Variants in FOXN3 observed in about 807,000 individuals in gnomAD.
FOXN3 encodes the protein forkhead box N3, also known as forkhead box protein N3.
A neutral mutation model predicts 38.4 loss-of-function variants in FOXN3; 7 were observed. The observed-to-expected ratio is 0.18, with a 90% CI of 0.10 to 0.34. FOXN3 has a LOEUF of 0.34. Among genes scored for constraint, FOXN3 ranks in the 10% least tolerant of loss-of-function variants. FOXN3 has a pLI of 1.00. For synonymous variants in FOXN3, 230 were observed against 242.2 expected, an observed-to-expected ratio of 0.95 and a Z score of 0.47; for missense variants, 456 against 613.4, an observed-to-expected ratio of 0.74 and a Z score of 2.71.
chr14:89,583,136 A>C (rs1358731395), intron 1 of FOXN3, among the ~76,000 whole-genome samples: 1 of 152,188 alleles, frequency 6.6e-6, no homozygotes, highest in African/African-American at 2.4e-5. Flanking sequence ...TCTTAGACTC[A>C]TTGACTGTAA....
chr14:89,253,929 T>C (rs949697577), intron 4 of FOXN3, among the ~76,000 whole-genome samples: 1 of 152,210 alleles, frequency 6.6e-6, no homozygotes, highest in Non-Finnish European at 1.5e-5. Context: ...TGGCTGTTGC[T>C]GGGATCTATG....
At chr14:89,268,115 T>C (rs1422421697) in intron 4 of FOXN3, among the ~76,000 whole-genome samples, 4 of 152,208 alleles carry the variant, frequency 2.6e-5, no homozygotes, top group African/African-American at 9.6e-5. Flanking sequence ...TATACATATA[T>C]GCTGCTTGGT....
chr14:89,191,948 G>GTATATATATATATATATATATATATATA (rs566312671), intron 4 of FOXN3, among the ~76,000 whole-genome samples: 31 of 117,898 alleles, frequency 2.6e-4, no homozygotes, highest in African/African-American at 1.4e-3. Flanking sequence ...ACTGATATTA[G>GTATATATATATATATATATATATATATA]TATATATATA....
At chr14:89,290,220 C>T (rs1886825915) in intron 3 of FOXN3, 1 of 285,696 alleles carries the variant, frequency 3.5e-6, no homozygotes, top group Non-Finnish European at 7.1e-6. Flanking sequence ...AACTTGGATC[C>T]ATCCCATGCT....
In FOXN3 at chr14:89,164,588, T is replaced by A. The variant is rs1348015768; in HGVS notation, c.852-1619A>T. 6.6e-6 allele frequency among the ~76,000 whole-genome samples: 1 copy of A among 152,140 alleles called. No individual in the cohort carries two copies. Among genetic ancestry groups the A allele is most frequent in the Non-Finnish European group, 1.5e-5 (1 of 68,024 alleles). On this transcript the variant is annotated intron_variant, in intron 5 of 5. Coordinates refer to ENST00000557258, the MANE Select transcript of FOXN3 (RefSeq NM_005197.4). The surrounding 1 kb of genome is among the most constrained non-coding windows in gnomAD (Gnocchi z 4.3). ...GGTGTGGTTACTGCTAGGCCCCCAG[T>A]GGCTATCGCCGTGTCAGCACGGTGG...
intron 3 of FOXN3, among the ~76,000 whole-genome samples, chr14:89,298,244 T>C (rs1193640246): frequency 6.6e-6 from 1 of 151,954 alleles, no homozygotes; most frequent in African/African-American, 2.4e-5. Context: ...ATTAAACTCA[T>C]AGATAGAAAA....
chr14:89,220,570 T>C (rs1402128587), intron 4 of FOXN3, among the ~76,000 whole-genome samples: 1 of 152,150 alleles, frequency 6.6e-6, no homozygotes, highest in Non-Finnish European at 1.5e-5. Flanking sequence ...TCATACTACC[T>C]ACTGTACACC....
intron 1 of FOXN3, among the ~76,000 whole-genome samples, chr14:89,456,229 G>GC (rs1162475607): frequency 1.3e-5 from 2 of 148,532 alleles, no homozygotes; most frequent in African/African-American, 5.0e-5. Flanking sequence ...CCACAAAAGA[G>GC]CCCGTGGGCC....
At chr14:89,255,019 G>T (rs954536896) in intron 4 of FOXN3, among the ~76,000 whole-genome samples, 5 of 150,814 alleles carry the variant, frequency 3.3e-5, no homozygotes, top group African/African-American at 9.9e-5. Flanking sequence ...TCCCATGTGC[G>T]GCGCATTTGG....
At chr14:89,512,950 C>A (rs1340035224) in intron 1 of FOXN3, among the ~76,000 whole-genome samples, 1 of 151,882 alleles carries the variant, frequency 6.6e-6, no homozygotes, top group South Asian at 2.1e-4. Flanking sequence ...ACCAGCCTGG[C>A]CAAGATGGTG....
At chr14:89,409,355 G>GGGGGGGGGGC in intron 2 of FOXN3, 1 of 146,892 alleles carries the variant, frequency 6.8e-6, no homozygotes, top group Admixed American at 6.7e-5. Context: ...TGGGGGACGG[G>GGGGGGGGGGC]GGGGTCGCAT....
intron 1 of FOXN3, among the ~76,000 whole-genome samples, chr14:89,461,763 G>C (rs1341403245): frequency 6.6e-6 from 1 of 152,164 alleles, no homozygotes. Flanking sequence ...GCAACGATCT[G>C]GACAGACCTT....
At chr14:89,475,386 T>C (rs1893190382) in intron 1 of FOXN3, among the ~76,000 whole-genome samples, 1 of 152,210 alleles carries the variant, frequency 6.6e-6, no homozygotes, top group South Asian at 2.1e-4. Context: ...CTAGGAGCAG[T>C]GGCTCACGCC....
chr14:89,585,853 C>T (rs1289685964), intron 1 of FOXN3, among the ~76,000 whole-genome samples: 1 of 151,426 alleles, frequency 6.6e-6, no homozygotes, highest in Non-Finnish European at 1.5e-5. Flanking sequence ...AGATGAAGAG[C>T]GTTTGGCAAA....
intron 3 of FOXN3, among the ~76,000 whole-genome samples, chr14:89,333,984 A>ATATATATATC (rs1888350250): frequency 4.7e-5 from 1 of 21,496 alleles, no homozygotes; most frequent in African/African-American, 9.9e-5. Context: ...ATATATATAT[A>ATATATATATC]TATATATATA....
At chr14:89,355,348 C>T (rs1486193033) in intron 2 of FOXN3, 1 of 151,886 alleles carries the variant, frequency 6.6e-6, no homozygotes, top group Non-Finnish European at 1.5e-5. Context: ...CCGCCTCAGT[C>T]TCCCGAGAGG....
upstream of FOXN3, among the ~76,000 whole-genome samples, chr14:89,421,145 CTTTT>C (rs570024684): frequency 2.1e-4 from 23 of 108,184 alleles, no homozygotes; most frequent in African/African-American, 4.6e-4. Context: ...TTCTTTCTTT[CTTTT>C]TTTTTTTTTT....
intron 2 of FOXN3, among the ~76,000 whole-genome samples, chr14:89,365,954 T>C (rs573756365): frequency 6.6e-6 from 1 of 152,310 alleles, no homozygotes; most frequent in South Asian, 2.1e-4. Flanking sequence ...AGTTATTCTG[T>C]AATAACTTTA....
chr14:89,231,355 AAG>A (rs1884801976), intron 4 of FOXN3, among the ~76,000 whole-genome samples: 2 of 152,228 alleles, frequency 1.3e-5, no homozygotes, highest in African/African-American at 4.8e-5. Context: ...CTGTTTGGCC[AAG>A]AGAGACACTA....
Sources: gnomAD v4.1 joint callset for allele counts (sites outside exome capture counted in the v4.1 genomes callset) on GRCh38, gnomAD v4.1.1 for gene constraint, Gnocchi (gnomAD v3.1) non-coding constraint, MANE v1.5 for transcripts, NCBI Gene and HGNC (gene_info 2026-07-23, HGNC 2026-07-21) for gene names.